The following ANG variants were observed in gnomAD, a reference collection of about 807,000 sequenced individuals.
ANG encodes the protein angiogenin.
For missense variants in ANG, 178 were observed against 187.4 expected (o/e 0.95, Z 0.29); for synonymous variants, 74 against 73.8 (o/e 1.00, Z -0.02).
At chr14:20,692,612 C>T (rs1299451735) in intron 1 of ANG, among the ~76,000 whole-genome samples, 1 of 152,220 alleles carries the variant, frequency 6.6e-6, no homozygotes, top group Non-Finnish European at 1.5e-5. Context: ...CTAACTAATG[C>T]TTGATGATCT....
At chr14:20,684,630 G>C (rs1228003619), upstream of ANG, 3 of 152,420 alleles carry the variant, frequency 2.0e-5, no homozygotes, top group Admixed American at 1.3e-4. Context: ...ATGCAAAGCA[G>C]GATTCAAAAG....
chr14:20,687,376 G>A (rs1886474137), upstream of ANG, among the ~76,000 whole-genome samples: 1 of 152,244 alleles, frequency 6.6e-6, no homozygotes, highest in South Asian at 2.1e-4. Flanking sequence ...TTCAGAGGCT[G>A]CTGGTTGCCC....
chr14:20,691,646 T>A (rs1415995748), intron 1 of ANG, among the ~76,000 whole-genome samples: 1 of 152,222 alleles, frequency 6.6e-6, no homozygotes, highest in African/African-American at 2.4e-5. Flanking sequence ...CTCTCTCAAG[T>A]ATGGACAAAT....
chr14:20,689,453 T>C (rs777384858), intron 1 of ANG, among the ~76,000 whole-genome samples: 1 of 152,228 alleles, frequency 6.6e-6, no homozygotes, highest in Admixed American at 6.5e-5. Context: ...TGAAGCCACA[T>C]TGATGAAAAT....
chr14:20,689,022 G>A (rs1886559064), intron 1 of ANG, 148 bp downstream of exon 1: 1 of 292,462 alleles, frequency 3.4e-6, no homozygotes, highest in Non-Finnish European at 5.1e-6. Context: ...AATGAAAACA[G>A]GTTTCTTTTG....
intron 1 of ANG, among the ~76,000 whole-genome samples, chr14:20,689,444 G>T (rs1458631528): frequency 6.6e-6 from 1 of 152,200 alleles, no homozygotes; most frequent in Non-Finnish European, 1.5e-5. Flanking sequence ...ATAAAAGTGT[G>T]AAGCCACATT....
intron 1 of ANG, among the ~76,000 whole-genome samples, chr14:20,689,235 A>G (rs1461630049): frequency 6.6e-6 from 1 of 152,230 alleles, no homozygotes; most frequent in Non-Finnish European, 1.5e-5. Context: ...TGTTTTTAGC[A>G]TTGTTTCCTT....
Position 20,693,760 on chromosome 14 carries a change from A to G in ANG, c.196A>G (p.Ile66Val). The change falls in exon 2 of 2, where the codon ATC becomes GTC. Residue 66 changes from isoleucine to valine, a missense_variant. Coordinates refer to ENST00000397990, the MANE Select transcript of ANG (RefSeq NM_001097577.3). ...RRGLTSPCKD[I>V]NTFIHGNKRS... ...GGGCCTGACCTCACCCTGCAAAGAC[A>G]TCAACACATTTATTCATGGCAACAA... 1.2e-6 allele frequency: 2 copies of G among 1,614,244 alleles called. No individual in the cohort carries two copies. Among genetic ancestry groups the G allele is most frequent in the Non-Finnish European group, 1.7e-6 (2 of 1,180,042 alleles).
At chr14:20,690,334 G>C (rs1471457212) in intron 1 of ANG, among the ~76,000 whole-genome samples, 1 of 151,710 alleles carries the variant, frequency 6.6e-6, no homozygotes, top group African/African-American at 2.4e-5. Flanking sequence ...TTTGGGTACA[G>C]AAGGATATAT....
intron 1 of ANG, among the ~76,000 whole-genome samples, chr14:20,690,221 C>CAAAAAAAAAAAAAAAAAAAAAAA (rs36091065): frequency 8.8e-5 from 6 of 67,978 alleles, no homozygotes; most frequent in Non-Finnish European, 1.5e-4. Flanking sequence ...GACTCCGTCT[C>CAAAAAAAAAAAAAAAAAAAAAAA]AAAAAAAAAA....
chr14:20,693,278 C>T (rs762270140), intron 1 of ANG, among the ~76,000 whole-genome samples: 10 of 152,130 alleles, frequency 6.6e-5, no homozygotes, highest in Non-Finnish European at 8.8e-5. Context: ...TGTAATGTTA[C>T]GACTGATAGA....
chr14:20,691,169 T>G (rs1886722514), intron 1 of ANG, among the ~76,000 whole-genome samples: 1 of 152,168 alleles, frequency 6.6e-6, no homozygotes, highest in Non-Finnish European at 1.5e-5. Context: ...AAGTACGGTA[T>G]TTCCTAGAGA....
intron 1 of ANG, among the ~76,000 whole-genome samples, chr14:20,691,994 C>T (rs913245157): frequency 4.6e-5 from 7 of 152,206 alleles, no homozygotes; most frequent in Admixed American, 3.9e-4. Context: ...ACAGCAATAT[C>T]CCCACAACTT....
upstream of ANG, among the ~76,000 whole-genome samples, chr14:20,686,160 T>C (rs781760064): frequency 1.8e-4 from 28 of 152,172 alleles, no homozygotes; most frequent in Admixed American, 9.2e-4. Flanking sequence ...TTCTTTAATA[T>C]GAGGGGTGGA....
intron 1 of ANG, among the ~76,000 whole-genome samples, chr14:20,693,170 C>T (rs756969199): frequency 6.6e-6 from 1 of 152,142 alleles, no homozygotes; most frequent in Non-Finnish European, 1.5e-5. Flanking sequence ...TCTTAATGTG[C>T]CTCAGGACCT....
upstream of ANG, among the ~76,000 whole-genome samples, chr14:20,685,270 C>A (rs1183875235): frequency 6.6e-6 from 1 of 152,158 alleles, no homozygotes; most frequent in Non-Finnish European, 1.5e-5. Flanking sequence ...CTAAGCCTTC[C>A]TACTGGAAGG....
chr14:20,694,147 A>G lies in ANG; in HGVS notation c.*139A>G, dbSNP rs542458460. On this transcript the variant is annotated 3_prime_UTR_variant, in exon 2 of 2. Transcript: ENST00000397990. ...TGGACCTTTTGTTTTCTGTTTGACA[A>G]CATGTTTAATAAATAAAAATGTCTT... 2.5e-4 allele frequency: 228 copies of G among 894,434 alleles called. 3 individuals are homozygous for G. In the African/African-American group the frequency reaches 3.5e-3, roughly 14 times the overall value. 55.4% of individuals were successfully genotyped at this position (894,434 alleles called of 1,614,324 possible). A position where few individuals can be genotyped will look rare whatever the true frequency, so the allele number is the denominator to read the frequency against.
At chr14:20,687,601 C>CA (rs1445995419), upstream of ANG, among the ~76,000 whole-genome samples, 2 of 152,214 alleles carry the variant, frequency 1.3e-5, no homozygotes, top group Non-Finnish European at 2.9e-5. Context: ...ATGAAGGGTT[C>CA]AAAGTCTGAC....
rs1886965810 is a variant in ANG, at chr14:20,693,951, T to C, written c.387T>C (p.Val129=). The C allele has an allele frequency of 6.2e-7, 1 of 1,614,108 alleles. No individual in the cohort carries two copies. ...CAGCGGGGTTCAGAAACGTTGTTGT[T>C]GCTTGTGAAAATGGCTTACCTGTCC... ...RATAGFRNVV[V]ACENGLPVHL... The change falls in exon 2 of 2, where the codon GTT becomes GTC. Residue 129 remains valine, a synonymous_variant. Transcript: ENST00000397990.
Sources: gnomAD v4.1 joint callset for allele counts (sites outside exome capture counted in the v4.1 genomes callset) on GRCh38, gnomAD v4.1.1 for gene constraint, MANE v1.5 for transcripts, NCBI Gene and HGNC (gene_info 2026-07-23, HGNC 2026-07-21) for gene names.